MAP4K4: variants seen among roughly 807,000 people sequenced by gnomAD.
MAP4K4 encodes the protein HPK/GCK-like kinase HGK.
In MAP4K4, 38 loss-of-function variants were observed where a neutral mutation model predicts 189.6. The ratio of observed to expected loss-of-function variants is 0.20; its 90% confidence interval spans 0.15 to 0.26. The LOEUF (loss-of-function observed/expected upper bound fraction) is 0.26, where lower values mean the gene tolerates loss of function less well. Among genes scored for constraint, MAP4K4 ranks in the 10% least tolerant of loss-of-function variants. The probability of loss-of-function intolerance (pLI) is 1.00; values close to 1 mark genes in which losing one functional copy is unlikely to be tolerated. For missense variants in MAP4K4, 1,054 were observed against 1,726.9 expected (o/e 0.61, Z 6.91); for synonymous variants, 610 against 624.3 (o/e 0.98, Z 0.34).
chr2:101,748,734 T>C (rs927338383), intron 2 of MAP4K4, among the ~76,000 whole-genome samples: 3 of 152,058 alleles, frequency 2.0e-5, no homozygotes, highest in African/African-American at 7.2e-5. Flanking sequence ...TGTTTGCAGA[T>C]GACATGATTG....
chr2:101,768,672 T>A (rs915036332), intron 2 of MAP4K4, among the ~76,000 whole-genome samples: 4 of 152,178 alleles, frequency 2.6e-5, no homozygotes, highest in Admixed American at 6.5e-5. Context: ...TGAGGTTAGG[T>A]GAGCATCTAG....
intron 2 of MAP4K4, among the ~76,000 whole-genome samples, chr2:101,735,575 TG>T: frequency 1.3e-5 from 2 of 152,254 alleles, no homozygotes; most frequent in East Asian, 3.9e-4. Context: ...ATTTGTTGGG[TG>T]GCCAAGGTCA....
chr2:101,745,090 A>C (rs1258065270), intron 2 of MAP4K4, among the ~76,000 whole-genome samples: 2 of 152,194 alleles, frequency 1.3e-5, no homozygotes, highest in African/African-American at 4.8e-5. Flanking sequence ...CAAAAGCTGA[A>C]TATAGATAGA....
chr2:101,831,587 C>G (rs2149426542), intron 6 of MAP4K4, 134 bp from the exon 7 acceptor site: 1 of 946,480 alleles, frequency 1.1e-6, no homozygotes, highest in East Asian at 2.7e-5. Flanking sequence ...CTGCCTTGAG[C>G]AGGATCGCAT....
At chr2:101,778,106 C>A (rs1175155208) in intron 2 of MAP4K4, among the ~76,000 whole-genome samples, 1 of 152,140 alleles carries the variant, frequency 6.6e-6, no homozygotes, top group African/African-American at 2.4e-5. Context: ...CCTGGAGCAG[C>A]AAGTCAGACA....
intron 2 of MAP4K4, among the ~76,000 whole-genome samples, chr2:101,702,731 A>C (rs1196937939): frequency 6.6e-6 from 1 of 152,192 alleles, no homozygotes; most frequent in Non-Finnish European, 1.5e-5. Flanking sequence ...GAGGGACCAT[A>C]GATTTTGTGG....
intron 9 of MAP4K4, 116 bp from the exon 10 acceptor site, chr2:101,839,703 A>G: frequency 8.0e-6 from 6 of 747,892 alleles, no homozygotes; most frequent in Non-Finnish European, 2.1e-6. Context: ...ATGCATTTGC[A>G]GAATGTTCAC....
intron 16 of MAP4K4, 92 bp downstream of exon 16, chr2:101,861,078 A>G: frequency 2.5e-6 from 3 of 1,204,040 alleles, no homozygotes; most frequent in Non-Finnish European, 3.4e-6. Flanking sequence ...TTAGTTTGTC[A>G]CCACACTGAA....
At chr2:101,854,336 A>G (rs1008976504) in intron 12 of MAP4K4, among the ~76,000 whole-genome samples, 10 of 152,212 alleles carry the variant, frequency 6.6e-5, no homozygotes, top group Non-Finnish European at 1.2e-4. Context: ...GTTTTTAGAT[A>G]CTAGAGCAGG....
At chr2:101,785,757 T>C (rs868603130) in intron 2 of MAP4K4, among the ~76,000 whole-genome samples, 61 of 19,172 alleles carry the variant, frequency 3.2e-3, no homozygotes, top group African/African-American at 7.9e-3. Flanking sequence ...TCTCTCTCTC[T>C]CTCTCTCTCT....
intron 2 of MAP4K4, among the ~76,000 whole-genome samples, chr2:101,746,799 G>C (rs1246050459): frequency 6.6e-6 from 1 of 151,968 alleles, no homozygotes. Flanking sequence ...CCTTGACTTA[G>C]GTAGGTAGGT....
chr2:101,854,515 G>C (rs1480511501), intron 12 of MAP4K4, among the ~76,000 whole-genome samples: 19 of 152,136 alleles, frequency 1.2e-4, no homozygotes, highest in African/African-American at 4.1e-4. Flanking sequence ...AGAATAATGG[G>C]GGTGTAGTAG....
chr2:101,891,309 A>T, exon 33 of MAP4K4: 1 of 1,463,142 alleles, frequency 6.8e-7, no homozygotes. Flanking sequence ...AGAACTTGGA[A>T]TTCCTTGTAA....
chr2:101,745,708 T>C (rs1282869782), intron 2 of MAP4K4, among the ~76,000 whole-genome samples: 1 of 152,140 alleles, frequency 6.6e-6, no homozygotes, highest in Non-Finnish European at 1.5e-5. Flanking sequence ...AGTGCCTAGC[T>C]GAATATCAGG....
chr2:101,883,118 G>T (rs2098426518), intron 28 of MAP4K4, among the ~76,000 whole-genome samples: 1 of 152,224 alleles, frequency 6.6e-6, no homozygotes, highest in South Asian at 2.1e-4. Context: ...GAGGTCTGGA[G>T]GTCCTTGGCA....
intron 27 of MAP4K4, among the ~76,000 whole-genome samples, chr2:101,879,831 CTT>C (rs60874878): frequency 3.0e-3 from 370 of 124,914 alleles, no homozygotes; most frequent in South Asian, 6.2e-3. Flanking sequence ...TCAGCTGCTG[CTT>C]TTTTTTTTTT....
At chr2:101,821,457 T>C (rs1320462061) in intron 3 of MAP4K4, among the ~76,000 whole-genome samples, 1 of 152,242 alleles carries the variant, frequency 6.6e-6, no homozygotes, top group African/African-American at 2.4e-5. Context: ...AATATGCTAC[T>C]GTACTGAATA....
rs1442122100 is a variant in MAP4K4 at position 101,705,349 on chromosome 2, C to T, written c.123+6811C>T. On this transcript the variant is annotated intron_variant, in intron 2 of 32. Coordinates refer to ENST00000324219, the Ensembl canonical transcript of MAP4K4. ...ACACAAAATGCCAGCTGTGGGATGT[C>T]AGTCATACATTCTGTGTTGTCTGCA... 5.9e-5 allele frequency among the ~76,000 whole-genome samples: 9 copies of T among 152,136 alleles called. 1 individual carries two copies. The highest frequency in any genetic ancestry group is 5.9e-4 in the Admixed American group (9 of 15,274).
At chr2:101,751,535 A>T (rs2068965276) in intron 2 of MAP4K4, among the ~76,000 whole-genome samples, 1 of 152,230 alleles carries the variant, frequency 6.6e-6, no homozygotes, top group African/African-American at 2.4e-5. Context: ...TCAGCACATT[A>T]TTGGGTACAT....
Sources: gnomAD v4.1 joint callset for allele counts (sites outside exome capture counted in the v4.1 genomes callset) on GRCh38, gnomAD v4.1.1 for gene constraint, MANE v1.5 for transcripts, NCBI Gene and HGNC (gene_info 2026-07-23, HGNC 2026-07-21) for gene names.